Variants in SLC20A2 observed in about 807,000 individuals in gnomAD.
The protein encoded by SLC20A2 is sodium-dependent phosphate transporter 2.
Under a neutral mutation model 61.0 loss-of-function variants are expected in SLC20A2, and 30 were observed. That is an observed-to-expected ratio of 0.49 (90% CI 0.37 to 0.67). The LOEUF is 0.67. Among genes scored for constraint, SLC20A2 ranks in the 30% least tolerant of loss-of-function variants. The pLI is 0.00. For missense variants in SLC20A2, 626 were observed against 866.4 expected (o/e 0.72, Z 3.48); for synonymous variants, 351 against 353.3 (o/e 0.99, Z 0.07).
chr8:42,520,108 G>A (rs1371993905), intron 1 of SLC20A2, among the ~76,000 whole-genome samples: 2 of 146,882 alleles, frequency 1.4e-5, no homozygotes, highest in African/African-American at 5.0e-5. Flanking sequence ...CCATCTCCCG[G>A]GTTCAAGCAA....
intron 10 of SLC20A2, among the ~76,000 whole-genome samples, chr8:42,418,323 C>T (rs568179157): frequency 2.0e-5 from 3 of 152,176 alleles, no homozygotes; most frequent in East Asian, 3.9e-4. Flanking sequence ...CATGCCATCA[C>T]CCTTGGCTAA....
chr8:42,443,401 GC>G lies in SLC20A2; in HGVS notation c.730+1244del, dbSNP rs1324202793. ...ACGATCTTGGCTCACTGCAACCTCT[GC>G]CCCCCCGGGTTCAAGCAATTCTCCT... On this transcript the variant is annotated intron_variant, in intron 6 of 10. Transcript: ENST00000520262. Among the ~76,000 whole-genome samples, 6 of 148,376 alleles carry G rather than the reference GC, an allele frequency of 4.0e-5. 1 individual carries two copies. The South Asian group carries it at 1.1e-3, about 27-fold the overall frequency.
chr8:42,478,216 T>TTC (rs1808291832), intron 1 of SLC20A2, among the ~76,000 whole-genome samples: 1 of 148,134 alleles, frequency 6.8e-6, no homozygotes, highest in Admixed American at 6.7e-5. Flanking sequence ...CCTTTTCTTT[T>TTC]TTTTTTTTTT....
chr8:42,487,098 C>G (rs1042711800), intron 1 of SLC20A2, among the ~76,000 whole-genome samples: 3 of 151,458 alleles, frequency 2.0e-5, no homozygotes, highest in African/African-American at 7.3e-5. Context: ...CTCCTGACCT[C>G]AAGTGATCCA....
rs747841902 is a variant in SLC20A2, at chr8:42,437,289, G to T, written c.1223C>A (p.Ser408Ter). ...VHATFRAADS[S>*]APEDSEKLVG... ...CAGCTTCTCACTGTCCTCTGGGGCC[G>T]ATGAGTCCGCAGCTCGAAAGGTGGC... The change falls in exon 8 of 11, where the codon TCG becomes TAG. Residue 408 changes from serine to a stop codon, truncating the protein, a stop_gained. Transcript: ENST00000520262. LOFTEE classifies it high-confidence loss of function. The surrounding 1 kb of genome is among the most constrained non-coding windows in gnomAD (Gnocchi z 6.4). The T allele has an allele frequency of 6.2e-7, 1 of 1,614,154 alleles. No individual in the cohort carries two copies. Among genetic ancestry groups the T allele is most frequent in the Non-Finnish European group, 8.5e-7 (1 of 1,180,040 alleles).
chr8:42,481,159 C>A (rs1241232229), intron 1 of SLC20A2, among the ~76,000 whole-genome samples: 1 of 152,122 alleles, frequency 6.6e-6, no homozygotes, highest in African/African-American at 2.4e-5. Context: ...CAAGAAGCAA[C>A]CTATAATTAA....
At chr8:42,447,855 C>T (rs1805348298) in intron 5 of SLC20A2, among the ~76,000 whole-genome samples, 1 of 152,188 alleles carries the variant, frequency 6.6e-6, no homozygotes, top group Non-Finnish European at 1.5e-5. Flanking sequence ...GCTCAGCTCC[C>T]ATCCCCCTGA....
chr8:42,537,788 GC>G (rs1812803107), intron 1 of SLC20A2: 1 of 152,130 alleles, frequency 6.6e-6, no homozygotes, highest in Non-Finnish European at 1.5e-5. Context: ...TAGAGACACT[GC>G]AATCTCTTAC....
intron 1 of SLC20A2, among the ~76,000 whole-genome samples, chr8:42,506,474 G>A (rs1207628345): frequency 6.6e-6 from 1 of 152,204 alleles, no homozygotes; most frequent in East Asian, 1.9e-4. Flanking sequence ...GGGCCATTAT[G>A]CTCACAGCAG....
At position 42,510,653 on chromosome 8, in the gene SLC20A2, T is replaced by C. The variant is rs1171226766; in HGVS notation, c.-265+31168A>G. 2.0e-5 allele frequency among the ~76,000 whole-genome samples: 3 copies of C among 152,170 alleles called. 1 individual carries two copies. The highest frequency in any genetic ancestry group is 4.4e-5 in the Non-Finnish European group (3 of 68,032). Reference sequence around the variant, plus strand: ...TAAGGCTTTCTGAGGAAAAGAGGGCTGTAGGAGTCTTTTAACAGAGCCATA... The same window carrying C: ...TAAGGCTTTCTGAGGAAAAGAGGGCCGTAGGAGTCTTTTAACAGAGCCATA... On this transcript the variant is annotated intron_variant, in intron 1 of 10. Transcript: ENST00000342228.
intron 1 of SLC20A2, among the ~76,000 whole-genome samples, chr8:42,538,563 G>C (rs1812856154): frequency 6.6e-6 from 1 of 152,138 alleles, no homozygotes; most frequent in Admixed American, 6.6e-5. Flanking sequence ...ATTCCCCAGG[G>C]AAAGTGCTCA....
At chr8:42,458,098 A>G (rs879921985) in intron 5 of SLC20A2, among the ~76,000 whole-genome samples, 9 of 152,170 alleles carry the variant, frequency 5.9e-5, no homozygotes, top group Admixed American at 1.3e-4. Context: ...CCAAATCTTC[A>G]TCCATAACAG....
At chr8:42,507,539 T>A (rs1810782843) in intron 1 of SLC20A2, among the ~76,000 whole-genome samples, 1 of 152,250 alleles carries the variant, frequency 6.6e-6, no homozygotes, top group South Asian at 2.1e-4. Context: ...CATAGTTGAT[T>A]TTTTAAATTA....
intron 5 of SLC20A2, among the ~76,000 whole-genome samples, chr8:42,459,335 C>T (rs72643215): frequency 0.03 from 4,609 of 151,700 alleles, 90 homozygotes; most frequent in Middle Eastern, 0.075. Flanking sequence ...TCATTGGCTT[C>T]GGTATCTAAA....
At chr8:42,421,728 C>T (rs533545373) in intron 10 of SLC20A2, among the ~76,000 whole-genome samples, 85 of 152,112 alleles carry the variant, frequency 5.6e-4, no homozygotes, top group African/African-American at 1.6e-3. Context: ...TGCTTGAACC[C>T]GGGAGGTGGA....
At chr8:42,458,990 C>T (rs1388750573) in intron 5 of SLC20A2, among the ~76,000 whole-genome samples, 7 of 121,444 alleles carry the variant, frequency 5.8e-5, no homozygotes, top group South Asian at 2.9e-4. Context: ...AGAACAAAAG[C>T]GGCCAGGCGC....
At chr8:42,504,959 G>A (rs1267872793), upstream of SLC20A2, among the ~76,000 whole-genome samples, 1 of 149,840 alleles carries the variant, frequency 6.7e-6, no homozygotes, top group African/African-American at 2.5e-5. Context: ...TATGTCCAGG[G>A]AGTTCACATT....
intron 8 of SLC20A2, among the ~76,000 whole-genome samples, chr8:42,436,115 T>TAA (rs113346951): frequency 1.4e-5 from 2 of 147,750 alleles, no homozygotes; most frequent in East Asian, 2.0e-4. Flanking sequence ...GACTCCGTCT[T>TAA]AAAAAAAAAA....
intron 1 of SLC20A2, among the ~76,000 whole-genome samples, chr8:42,481,761 T>A (rs1046959343): frequency 1.3e-5 from 2 of 152,156 alleles, no homozygotes; most frequent in African/African-American, 2.4e-5. Context: ...TTCGTGGACT[T>A]ATGGGACATG....
Sources: gnomAD v4.1 joint callset for allele counts (sites outside exome capture counted in the v4.1 genomes callset) on GRCh38, gnomAD v4.1.1 for gene constraint, Gnocchi (gnomAD v3.1) non-coding constraint, MANE v1.5 for transcripts, NCBI Gene and HGNC (gene_info 2026-07-23, HGNC 2026-07-21) for gene names.